ULK4: variants seen among roughly 807,000 people sequenced by gnomAD.
ULK4 encodes the protein inactive serine/threonine-protein kinase ULK4.
Under a neutral mutation model 160.6 loss-of-function variants are expected in ULK4, and 133 were observed. The ratio of observed to expected loss-of-function variants is 0.83; its 90% CI spans 0.72 to 0.96. The LOEUF is 0.96. Among genes scored for constraint, ULK4 ranks in the 40% least tolerant of loss-of-function variants. The pLI is 0.00. For missense variants in ULK4, 1,580 were observed against 1,499.5 expected (o/e 1.05, Z -0.89); for synonymous variants, 534 against 539.8 (o/e 0.99, Z 0.15).
At chr3:41,457,354 C>T (rs1003006902) in intron 33 of ULK4, among the ~76,000 whole-genome samples, 1 of 152,152 alleles carries the variant, frequency 6.6e-6, no homozygotes, top group African/African-American at 2.4e-5. Flanking sequence ...CCAAGATCTG[C>T]ATAGTCATAC....
intron 32 of ULK4, among the ~76,000 whole-genome samples, chr3:41,501,385 C>T (rs1348588977): frequency 3.3e-5 from 5 of 152,112 alleles, no homozygotes; most frequent in Non-Finnish European, 4.4e-5. Flanking sequence ...GTGGTCCCAG[C>T]TACTCGGAAG....
intron 30 of ULK4, among the ~76,000 whole-genome samples, chr3:41,658,968 G>A (rs1437971393): frequency 2.0e-5 from 3 of 152,028 alleles, no homozygotes; most frequent in African/African-American, 7.2e-5. Flanking sequence ...GGAACTTTTT[G>A]GAATGATAGA....
intron 34 of ULK4, among the ~76,000 whole-genome samples, chr3:41,447,383 C>G (rs940005611): frequency 6.6e-6 from 1 of 152,090 alleles, no homozygotes; most frequent in Non-Finnish European, 1.5e-5. Flanking sequence ...TTTTCTGGCA[C>G]ACCTCATATC....
chr3:41,755,239 G>C (rs945571061), intron 21 of ULK4, among the ~76,000 whole-genome samples: 1 of 152,118 alleles, frequency 6.6e-6, no homozygotes, highest in African/African-American at 2.4e-5. Flanking sequence ...AGAGAGGCCA[G>C]CACCTAACAG....
At chr3:41,574,528 CCTCTTTTTTTTTTTTTTT>C (rs1215424445) in intron 31 of ULK4, among the ~76,000 whole-genome samples, 1 of 106,286 alleles carries the variant, frequency 9.4e-6, no homozygotes, top group Non-Finnish European at 1.9e-5. Flanking sequence ...CTACCAGAGT[CCTCTTTTTTTTTTTTTTT>C]TTTTTTTTTT....
At chr3:41,583,186 T>A (rs1340548305) in intron 31 of ULK4, among the ~76,000 whole-genome samples, 2 of 152,184 alleles carry the variant, frequency 1.3e-5, no homozygotes, top group African/African-American at 4.8e-5. Flanking sequence ...GAAGCCTAAA[T>A]GAGGTCTCAG....
At chr3:41,516,316 C>CT (rs2125927721) in intron 32 of ULK4, among the ~76,000 whole-genome samples, 1 of 152,292 alleles carries the variant, frequency 6.6e-6, no homozygotes, top group East Asian at 1.9e-4. Flanking sequence ...ACTGTACTTT[C>CT]TGCACTCACT....
chr3:41,529,115 A>G (rs767096106), intron 32 of ULK4, among the ~76,000 whole-genome samples: 4 of 152,238 alleles, frequency 2.6e-5, no homozygotes, highest in Non-Finnish European at 4.4e-5. Flanking sequence ...ACTTCATACT[A>G]TTCTTAAAGT....
At chr3:41,780,374 T>G (rs2039796146) in intron 21 of ULK4, among the ~76,000 whole-genome samples, 1 of 150,262 alleles carries the variant, frequency 6.7e-6, no homozygotes, top group Non-Finnish European at 1.5e-5. Flanking sequence ...ATATAAAAAT[T>G]TATATTAAAA....
chr3:41,633,927 C>CT (rs2033849330), intron 30 of ULK4, among the ~76,000 whole-genome samples: 1 of 152,120 alleles, frequency 6.6e-6, no homozygotes, highest in Non-Finnish European at 1.5e-5. Context: ...GTGCTTAGTG[C>CT]TTTACCTCTC....
chr3:41,289,303 G>A (rs1188708607), intron 35 of ULK4, among the ~76,000 whole-genome samples: 1 of 152,136 alleles, frequency 6.6e-6, no homozygotes, highest in Admixed American at 6.6e-5. Flanking sequence ...ACTGGCTCAG[G>A]TGTTGGCAGG....
intron 18 of ULK4, among the ~76,000 whole-genome samples, chr3:41,823,084 A>G (rs909352988): frequency 1.2e-4 from 19 of 152,094 alleles, no homozygotes; most frequent in Admixed American, 1.3e-4. Context: ...AGTGCTATAA[A>G]GAAAAACAGC....
intron 22 of ULK4, among the ~76,000 whole-genome samples, chr3:41,736,401 G>A (rs1282751178): frequency 6.6e-6 from 1 of 151,836 alleles, no homozygotes; most frequent in African/African-American, 2.4e-5. Context: ...GTGTGAGATG[G>A]TATCTCACTG....
intron 17 of ULK4, among the ~76,000 whole-genome samples, chr3:41,875,712 G>T (rs1717015): frequency 0.17 from 18,600 of 108,158 alleles, 3,677 homozygotes; most frequent in African/African-American, 0.53. Flanking sequence ...TTTCCTGAAT[G>T]TTTTTTTTTA....
chr3:41,769,769 G>GTACA (rs1312547976), intron 21 of ULK4, among the ~76,000 whole-genome samples: 1 of 152,012 alleles, frequency 6.6e-6, no homozygotes, highest in Admixed American at 6.6e-5. Context: ...TATTCCTCTA[G>GTACA]TACACATCAT....
chr3:41,809,844 C>T (rs1239500346), intron 19 of ULK4, among the ~76,000 whole-genome samples: 2 of 152,050 alleles, frequency 1.3e-5, no homozygotes, highest in Admixed American at 1.3e-4. Flanking sequence ...TTAAGTTTAT[C>T]TATTGGGATG....
chr3:41,685,185 T>A (rs1316880156), intron 27 of ULK4, among the ~76,000 whole-genome samples: 1 of 152,248 alleles, frequency 6.6e-6, no homozygotes, highest in East Asian at 1.9e-4. Flanking sequence ...TTGAGGTGAT[T>A]ATAAATCCTG....
chr3:41,254,084 G>T (rs2078787859), intron 35 of ULK4, among the ~76,000 whole-genome samples: 1 of 152,240 alleles, frequency 6.6e-6, no homozygotes, highest in East Asian at 1.9e-4. Context: ...TAAGAAACAG[G>T]ATAAGTAGAC....
intron 32 of ULK4, among the ~76,000 whole-genome samples, chr3:41,523,473 G>A (rs1425950498): frequency 2.6e-5 from 4 of 152,076 alleles, no homozygotes; most frequent in Admixed American, 1.3e-4. Context: ...CCACAAAATT[G>A]TAACATTAAA....
Sources: allele counts gnomAD v4.1 joint callset (sites outside exome capture counted in the v4.1 genomes callset), GRCh38; gene constraint gnomAD v4.1.1; transcripts MANE v1.5; gene names NCBI Gene and HGNC (gene_info 2026-07-23, HGNC 2026-07-21).